ZNF248: variants seen among roughly 807,000 people sequenced by gnomAD.
ZNF248 encodes zinc finger protein 248, also known as KRAB protein domain.
Under a neutral mutation model 44.3 loss-of-function variants are expected in ZNF248, and 20 were observed. The ratio of observed to expected loss-of-function variants is 0.45; its 90% confidence interval spans 0.32 to 0.66. The LOEUF is 0.66. Ranked by LOEUF, ZNF248 falls within the 30% of genes least tolerant of loss-of-function variation. The pLI is 0.04. For missense variants in ZNF248, 654 were observed against 677.0 expected (o/e 0.97, Z 0.38); for synonymous variants, 224 against 229.0 (o/e 0.98, Z 0.20).
chr10:37,789,605 T>G (rs1477467748), intron 6 of ZNF248, among the ~76,000 whole-genome samples: 2 of 152,188 alleles, frequency 1.3e-5, no homozygotes, highest in African/African-American at 4.8e-5. Context: ...ATTTATTAGC[T>G]TACTCATCCA....
the ZNF248 span, among the ~76,000 whole-genome samples, chr10:37,766,493 C>T: frequency 0.028 from 4,190 of 152,300 alleles, 142 homozygotes; most frequent in African/African-American, 0.082. Context: ...GCAGCCACCA[C>T]TGCTGATACC....
chr10:37,829,778 CAAG>C lies in ZNF248; in HGVS notation c.*1834_*1836del. 1.0e-6 allele frequency: 1 copy of C among 985,344 alleles called. No individual in the cohort carries two copies. The highest frequency in any genetic ancestry group is 1.2e-6 in the Non-Finnish European group (1 of 829,908). 61.0% of individuals were successfully genotyped at this position (985,344 alleles called of 1,614,324 possible). On this transcript the variant is annotated 3_prime_UTR_variant, in exon 6 of 6. Coordinates refer to ENST00000395867, the MANE Select transcript of ZNF248 (RefSeq NM_021045.3). The stretch of plus-strand genomic sequence containing the variant: ...TTCTCATGTCATGACAATGTTGTAT[CAAG>C]GAGATCTTTCCCAGAAGTACTACAC...
chr10:37,769,433 T>C, the ZNF248 span, among the ~76,000 whole-genome samples: 1 of 152,194 alleles, frequency 6.6e-6, no homozygotes, highest in Non-Finnish European at 1.5e-5. Flanking sequence ...CATGATCAAG[T>C]GGGCTTCATC....
At chr10:37,825,222 T>C (rs1240373230), downstream of ZNF248, among the ~76,000 whole-genome samples, 2 of 152,144 alleles carry the variant, frequency 1.3e-5, no homozygotes, top group African/African-American at 2.4e-5. Flanking sequence ...CTAGCTATTA[T>C]AAAATGATGA....
intron 3 of ZNF248, among the ~76,000 whole-genome samples, chr10:37,843,491 G>A (rs1321320646): frequency 4.6e-5 from 7 of 150,712 alleles, no homozygotes; most frequent in African/African-American, 7.3e-5. Flanking sequence ...CTGATTTCCC[G>A]ACTTACCATA....
At chr10:37,848,707 C>A (rs1197187393) in intron 3 of ZNF248, among the ~76,000 whole-genome samples, 2 of 152,126 alleles carry the variant, frequency 1.3e-5, no homozygotes, top group African/African-American at 4.8e-5. Flanking sequence ...AAGTCCATTT[C>A]AAGCACAGCC....
At position 37,820,214 on chromosome 10, in the gene ZNF248, G is replaced by A. The variant is rs150566342; in HGVS notation, c.330+12811C>T. 1,205 of 1,311,154 alleles carry A rather than the reference G, an allele frequency of 9.2e-4. 9 individuals carry two copies. In the Middle Eastern group the frequency reaches 0.017, roughly 19 times the overall value. The allele number at this position is 1,311,154 out of a possible 1,614,324, so 81.2% of individuals were successfully genotyped here. ...CAGATATTTTTTATATTGTGAGGTC[G>A]GACTGGGTCTGTCTGTGCCAGATGG... On this transcript the variant is annotated intron_variant, in intron 6 of 6. Coordinates refer to the ZNF248 transcript ENST00000615949.
chr10:37,783,540 T>C (rs2047549996), intron 6 of ZNF248, among the ~76,000 whole-genome samples: 1 of 152,244 alleles, frequency 6.6e-6, no homozygotes, highest in East Asian at 1.9e-4. Context: ...TAAAAACTTT[T>C]GTGCATCAAA....
chr10:37,780,908 A>T (rs1230780924), intron 6 of ZNF248, among the ~76,000 whole-genome samples: 1 of 152,176 alleles, frequency 6.6e-6, no homozygotes, highest in Non-Finnish European at 1.5e-5. Flanking sequence ...TCTGCAAGGA[A>T]CGGAAGCACA....
chr10:37,832,873 G>A lies in ZNF248; in HGVS notation c.482C>T (p.Ser161Phe), dbSNP rs1291212096. Residue 161 changes from serine to phenylalanine, a missense_variant, in exon 6 of 6, where the codon TCC becomes TTC. Ser to Phe is a radical substitution (Grantham distance 155). Coordinates refer to ENST00000395867, the MANE Select transcript of ZNF248 (RefSeq NM_021045.3). Reference protein sequence around the residue: ...SGLIISKKNCSRKKPDEFNVC... With the variant: ...SGLIISKKNCFRKKPDEFNVC... ...ATTAAACTCATCAGGCTTCTTTCTG[G>A]AACAGTTCTTTTTACTAATAATTAA... 6.2e-7 allele frequency: 1 copy of A among 1,613,468 alleles called. No homozygotes were observed. The highest frequency in any genetic ancestry group is 1.3e-5 in the African/African-American group (1 of 74,870).
At position 37,780,711 on chromosome 10, in the gene ZNF248, G is replaced by A. The variant is rs182874098; in HGVS notation, c.331-4136C>T. 5.3e-3 allele frequency among the ~76,000 whole-genome samples: 804 copies of A among 152,102 alleles called. 7 individuals carry two copies. The highest frequency in any genetic ancestry group is 0.018 in the African/African-American group (766 of 41,522). ...CCCCGCGCGGGGCCTGGACGCGCGC[G>A]CACGTGCCCAAACTTGCGATCCCCG... is the stretch of plus-strand genomic sequence containing the variant. On this transcript the variant is annotated intron_variant, in intron 6 of 6. Transcript: ENST00000615949.
chr10:37,776,631 A>G (rs2046604561), intron 6 of ZNF248: 1 of 397,092 alleles, frequency 2.5e-6, no homozygotes, highest in African/African-American at 2.1e-5. Context: ...CAAATCTCAA[A>G]GAACTTCCTT....
chr10:37,834,460 A>C (rs2056663995), intron 5 of ZNF248, among the ~76,000 whole-genome samples: 1 of 152,166 alleles, frequency 6.6e-6, no homozygotes, highest in Non-Finnish European at 1.5e-5. Flanking sequence ...AGTATCATAG[A>C]ATACTTTCAG....
At chr10:37,845,749 T>A (rs1053479099) in intron 3 of ZNF248, among the ~76,000 whole-genome samples, 2 of 152,026 alleles carry the variant, frequency 1.3e-5, no homozygotes, top group African/African-American at 2.4e-5. Flanking sequence ...GGGGGATAAA[T>A]GGAGTCAACA....
the ZNF248 span, among the ~76,000 whole-genome samples, chr10:37,768,113 C>T: frequency 6.6e-6 from 1 of 152,148 alleles, no homozygotes; most frequent in Non-Finnish European, 1.5e-5. Flanking sequence ...CAGGAGCACC[C>T]AGATTCATAA....
rs151229767 is a variant in ZNF248 at position 37,797,062 on chromosome 10, G to T, written c.331-20487C>A. On this transcript the variant is annotated intron_variant, in intron 6 of 6. Transcript: ENST00000615949. ...TAATCCTCACAACCCTTTGAGATAG[G>T]TTATATTATTATCCCTGTTTTACAG... is the stretch of plus-strand genomic sequence containing the variant. 1.4e-4 allele frequency among the ~76,000 whole-genome samples: 22 copies of T among 152,168 alleles called. No individual in the cohort carries two copies. In the East Asian group the frequency reaches 4.1e-3, roughly 28 times the overall value.
intron 6 of ZNF248, among the ~76,000 whole-genome samples, chr10:37,778,748 C>A (rs2046916466): frequency 6.7e-6 from 1 of 149,170 alleles, no homozygotes; most frequent in Non-Finnish European, 1.5e-5. Context: ...TTGAAAGGAT[C>A]AACAAAATAG....
At chr10:37,855,631 C>T (rs2061152595) in intron 3 of ZNF248, among the ~76,000 whole-genome samples, 1 of 152,188 alleles carries the variant, frequency 6.6e-6, no homozygotes, top group African/African-American at 2.4e-5. Flanking sequence ...AGGAGACTCT[C>T]CAAACAAAGA....
In ZNF248 at chr10:37,818,937, AATTTT is replaced by A. The variant is rs1168847534; in HGVS notation, c.330+14083_330+14087del. 10 of 1,109,956 alleles carry A rather than the reference AATTTT, an allele frequency of 9.0e-6. No homozygotes were observed. The East Asian group carries it at 2.5e-4, about 28-fold the overall frequency. 68.8% of individuals were successfully genotyped at this position (1,109,956 alleles called of 1,614,324 possible). ...AGATCACACCCACCGACCACACAAC[AATTTT>A]ATTTGAGATCTTTGGTGGTTCTTTC... is the stretch of plus-strand genomic sequence containing the variant. On this transcript the variant is annotated intron_variant, in intron 6 of 6. Coordinates refer to the ZNF248 transcript ENST00000615949.
Sources: allele counts gnomAD v4.1 joint callset (sites outside exome capture counted in the v4.1 genomes callset), GRCh38; gene constraint gnomAD v4.1.1; transcripts MANE v1.5; gene names NCBI Gene and HGNC (gene_info 2026-07-23, HGNC 2026-07-21).